SSBP4: variants seen among roughly 807,000 people sequenced by gnomAD.
The protein encoded by SSBP4 is single-stranded DNA-binding protein 4.
SSBP4 carries 33 observed loss-of-function variants against 64.6 expected under a neutral mutation model. The observed-to-expected ratio is 0.51, with a 90% CI of 0.39 to 0.68. The LOEUF (loss-of-function observed/expected upper bound fraction) is 0.68, where lower values mean the gene tolerates loss of function less well. Ranked by LOEUF, SSBP4 falls within the 30% of genes least tolerant of loss-of-function variation. The pLI, the probability that SSBP4 is intolerant of heterozygous loss-of-function variation, is 0.00. For synonymous variants in SSBP4, 243 were observed against 224.0 expected, an observed-to-expected ratio of 1.08 and a Z score of -0.76; for missense variants, 583 against 566.8, an observed-to-expected ratio of 1.03 and a Z score of -0.29.
rs1972577465 is a variant in SSBP4, at chr19:18,423,155, C to G, written c.59+3448C>G. Among the ~76,000 whole-genome samples the G allele has an allele frequency of 6.6e-6, 1 of 152,196 alleles. No homozygotes were observed. Among genetic ancestry groups the G allele is most frequent in the African/African-American group, 2.4e-5 (1 of 41,456 alleles). ...AGGGGCATGTGTATATCCTTCAGCA[C>G]TCAAGTGTTGCCAGGCAGGTTGAGA... On this transcript the variant is annotated intron_variant, in intron 1 of 17. Coordinates refer to ENST00000270061, the MANE Select transcript of SSBP4 (RefSeq NM_032627.5). This position sits in a 1 kb window ranked among gnomAD's most constrained non-coding sequence, Gnocchi z 4.0.
At position 18,433,013 on chromosome 19, in the gene SSBP4, C is replaced by T. The variant is rs1285533726; in HGVS notation, c.882C>T (p.Asn294=). 9.3e-6 allele frequency: 15 copies of T among 1,614,062 alleles called. No individual in the cohort carries two copies. The highest frequency in any genetic ancestry group is 1.3e-5 in the Non-Finnish European group (15 of 1,180,040). ...GCGAAAACATGTACACTATCATGAACCCCATCGGGCAGGGCGCCGGCAGGG... is the reference window on the plus strand; with the variant it reads ...GCGAAAACATGTACACTATCATGAATCCCATCGGGCAGGGCGCCGGCAGGG... ...NSSENMYTIM[N]PIGQGAGRAN... Residue 294 remains asparagine, a synonymous_variant, in exon 14 of 18, where the codon AAC becomes AAT. Coordinates refer to ENST00000270061, the MANE Select transcript of SSBP4 (RefSeq NM_032627.5).
intron 7 of SSBP4, 39 bp from the exon 8 acceptor site, chr19:18,431,754 G>A (rs1297934038): frequency 3.2e-6 from 5 of 1,539,542 alleles, no homozygotes; most frequent in Non-Finnish European, 4.4e-6. Flanking sequence ...GCCGGGGAGG[G>A]AGCACCCCAC....
Position 18,433,822 on chromosome 19 carries a change from G to A in SSBP4, c.1128+5G>A. 1 of 1,419,264 alleles carries A rather than the reference G, an allele frequency of 7.0e-7. No individual in the cohort carries two copies. The highest frequency in any genetic ancestry group is 9.2e-7 in the Non-Finnish European group (1 of 1,089,712). 87.9% of individuals were successfully genotyped at this position (1,419,264 alleles called of 1,614,324 possible). A position where few individuals can be genotyped will look rare whatever the true frequency, so the allele number is the denominator to read the frequency against. ...CACCCGTTCCCGAGCGAAAGCGTAA[G>A]CGACTGCGTCGACTCCCCCCCCGCG... On this transcript the variant is annotated splice_donor_5th_base_variant and intron_variant, in intron 17 of 17. Coordinates refer to ENST00000270061, the MANE Select transcript of SSBP4 (RefSeq NM_032627.5).
chr19:18,433,463 C>A lies in SSBP4; in HGVS notation c.992-122C>A, dbSNP rs1973662916. On this transcript the variant is annotated intron_variant, in intron 15 of 17. Transcript: ENST00000270061. Reference sequence around the variant, plus strand: ...CTGGCCTCAGTCCCGGGGTTCCTGGCGGGCTGTGCGGGGCGGGGGCGCGTC... The same window carrying A: ...CTGGCCTCAGTCCCGGGGTTCCTGGAGGGCTGTGCGGGGCGGGGGCGCGTC... 13 of 1,478,874 alleles carry A rather than the reference C, an allele frequency of 8.8e-6. No homozygotes were observed. In the South Asian group the frequency reaches 1.5e-4, roughly 17 times the overall value. 91.6% of individuals were successfully genotyped at this position (1,478,874 alleles called of 1,614,324 possible). A position where few individuals can be genotyped will look rare whatever the true frequency, so the allele number is the denominator to read the frequency against.
chr19:18,410,741 C>G, the SSBP4 span, among the ~76,000 whole-genome samples: 1 of 151,758 alleles, frequency 6.6e-6, no homozygotes, highest in Non-Finnish European at 1.5e-5. Context: ...GGGGCGGGAC[C>G]TGCTGGGATT....
chr19:18,432,408 C>T (rs1600351930), intron 10 of SSBP4, 151 bp from the exon 11 acceptor site: 1 of 1,316,864 alleles, frequency 7.6e-7, no homozygotes. Context: ...GGGATTGGAA[C>T]CTGGCAGCTC....
At chr19:18,418,887 C>A, upstream of SSBP4, 1 of 874,174 alleles carries the variant, frequency 1.1e-6, no homozygotes, top group Non-Finnish European at 1.4e-6. This position sits in a 1 kb window ranked among gnomAD's most constrained non-coding sequence, Gnocchi z 6.7. Flanking sequence ...TTTAGTTGTT[C>A]CAGGACGGCC....
chr19:18,430,737 G>C, intron 4 of SSBP4, 104 bp from the exon 5 acceptor site: 1 of 985,628 alleles, frequency 1.0e-6, no homozygotes, highest in Middle Eastern at 2.2e-4. Flanking sequence ...ATGCCAGCTC[G>C]CTGTCCCATG....
chr19:18,403,775 C>T, the SSBP4 span, among the ~76,000 whole-genome samples: 3 of 151,856 alleles, frequency 2.0e-5, no homozygotes, highest in South Asian at 4.2e-4. Context: ...GTCTTGGGGT[C>T]TGGGGCCCCT....
Position 18,427,590 on chromosome 19 carries a change from A to G in SSBP4, c.133-162A>G, listed in dbSNP as rs1972950874. On this transcript the variant is annotated intron_variant, in intron 2 of 17. Transcript: ENST00000270061. The surrounding 1 kb of genome is among the most constrained non-coding windows in gnomAD (Gnocchi z 4.4). ...GGGCTAGCATCCAGGCATCTGGTCC[A>G]CATGCCCAGCCGGGACCTGCCACAC... 6.6e-6 allele frequency among the ~76,000 whole-genome samples: 1 copy of G among 152,080 alleles called. No individual in the cohort carries two copies. Among genetic ancestry groups the G allele is most frequent in the Admixed American group, 6.5e-5 (1 of 15,278 alleles).
intron 4 of SSBP4, among the ~76,000 whole-genome samples, chr19:18,428,817 G>A (rs1973068489): frequency 6.6e-6 from 1 of 152,196 alleles, no homozygotes; most frequent in Non-Finnish European, 1.5e-5. Flanking sequence ...AGCCCTCCTG[G>A]CGTCACTGCT....
intron 4 of SSBP4, among the ~76,000 whole-genome samples, chr19:18,430,299 G>T (rs1973245270): frequency 6.6e-6 from 1 of 152,148 alleles, no homozygotes; most frequent in African/African-American, 2.4e-5. Flanking sequence ...GGCCAGGTCT[G>T]GGCTGCCACC....
chr19:18,424,470 G>C (rs1475215447), intron 1 of SSBP4, among the ~76,000 whole-genome samples: 4 of 152,056 alleles, frequency 2.6e-5, no homozygotes, highest in South Asian at 2.1e-4. Flanking sequence ...GTGAAGCCCC[G>C]AGAGGTGACA....
intron 1 of SSBP4, among the ~76,000 whole-genome samples, chr19:18,424,300 C>A (rs1225447417): frequency 1.3e-5 from 2 of 152,198 alleles, no homozygotes; most frequent in African/African-American, 4.8e-5. Flanking sequence ...TGTTCATTCA[C>A]TGGGGTGACT....
In SSBP4 at chr19:18,432,132, C is replaced by G; in HGVS notation, c.637-15C>G. 6.2e-7 allele frequency: 1 copy of G among 1,612,590 alleles called. No individual in the cohort carries two copies. The highest frequency in any genetic ancestry group is 1.3e-5 in the African/African-American group (1 of 75,064). On this transcript the variant is annotated splice_polypyrimidine_tract_variant and intron_variant, in intron 9 of 17. Coordinates refer to ENST00000270061, the MANE Select transcript of SSBP4 (RefSeq NM_032627.5). ...TGTCCCCGGTCTACCCCTCACAGCC[C>G]CTTTGCCTCCGCAGAGCTATGGAGG... is the stretch of plus-strand genomic sequence containing the variant.
chr19:18,428,005 CAG>C (rs768473941), intron 4 of SSBP4, 23 bp downstream of exon 4: 23 of 1,597,618 alleles, frequency 1.4e-5, no homozygotes, highest in South Asian at 9.9e-5. Context: ...CCCAGGGACT[CAG>C]GGGCTCCAGG....
In SSBP4 at chr19:18,434,223, C is replaced by G; in HGVS notation, c.1135C>G (p.Pro379Ala). The change falls in exon 18 of 18, where the codon CCA becomes GCA. Residue 379 changes from proline (P) to alanine (A), a missense_variant. By Grantham distance (27) the Pro-to-Ala change is conservative. Transcript: ENST00000270061. ...CCCCCTCCTCTCTCCGCAGTACTCG[C>G]CAGGGATGACCATGAGCGTGTGATG... Reference protein sequence around the residue: ...LHPFPSESYSPGMTMSV With the variant: ...LHPFPSESYSAGMTMSV The G allele has an allele frequency of 6.2e-7, 1 of 1,612,000 alleles. No individual in the cohort carries two copies. The highest frequency in any genetic ancestry group is 8.5e-7 in the Non-Finnish European group (1 of 1,179,624).
Position 18,432,551 on chromosome 19 carries a change from T to C in SSBP4, c.705-8T>C. ...GCCCCAGAGTCTGTCATCCGCGGTC[T>C]CTTCCAGGGGCCCAGGAGTTCGTGG... is the stretch of plus-strand genomic sequence containing the variant. On this transcript the variant is annotated splice_polypyrimidine_tract_variant and splice_region_variant and intron_variant, in intron 10 of 17. Transcript: ENST00000270061. 6.4e-7 allele frequency: 1 copy of C among 1,569,074 alleles called. No individual in the cohort carries two copies. Among genetic ancestry groups the C allele is most frequent in the Non-Finnish European group, 8.7e-7 (1 of 1,154,294 alleles).
chr19:18,419,752 G>T (rs1202986342), intron 1 of SSBP4, 45 bp downstream of exon 1: 3 of 1,114,684 alleles, frequency 2.7e-6, no homozygotes, highest in Admixed American at 4.9e-5. Flanking sequence ...GCGCTCTTCC[G>T]TGGGCTCCGG....
Sources: allele counts gnomAD v4.1 joint callset (sites outside exome capture counted in the v4.1 genomes callset), GRCh38; gene constraint gnomAD v4.1.1; non-coding constraint Gnocchi (gnomAD v3.1); transcripts MANE v1.5; gene names NCBI Gene and HGNC (gene_info 2026-07-23, HGNC 2026-07-21).